SOX5: variants seen among roughly 807,000 people sequenced by gnomAD.
SOX5 encodes the protein SRY-box transcription factor 5.
Under a neutral mutation model 92.0 loss-of-function variants are expected in SOX5, and 9 were observed. The ratio of observed to expected loss-of-function variants is 0.10; its 90% CI spans 0.06 to 0.17. SOX5 has a LOEUF of 0.17. SOX5 is among the 10% of genes least tolerant of loss of function. SOX5 has a pLI of 1.00. For synonymous variants in SOX5, 344 were observed against 336.3 expected, an observed-to-expected ratio of 1.02 and a Z score of -0.25; for missense variants, 642 against 944.5, an observed-to-expected ratio of 0.68 and a Z score of 4.20.
intron 1 of SOX5, among the ~76,000 whole-genome samples, chr12:23,901,710 C>T (rs969262324): frequency 6.6e-6 from 1 of 152,178 alleles, no homozygotes; most frequent in Non-Finnish European, 1.5e-5. Context: ...ATGAGATCCA[C>T]ATAGGCAGAC....
chr12:23,787,654 A>T (rs1414955671), intron 3 of SOX5, among the ~76,000 whole-genome samples: 1 of 152,022 alleles, frequency 6.6e-6, no homozygotes, highest in Non-Finnish European at 1.5e-5. Context: ...ATACTCAACT[A>T]AAACAGACTA....
intron 3 of SOX5, among the ~76,000 whole-genome samples, chr12:23,808,682 T>A (rs192389202): frequency 1.8e-3 from 267 of 152,268 alleles, no homozygotes; most frequent in Admixed American, 3.3e-3. Context: ...TTCCATAGTT[T>A]TATGGATTAG....
intron 6 of SOX5, among the ~76,000 whole-genome samples, chr12:23,724,017 A>G (rs2092975863): frequency 6.6e-6 from 1 of 152,174 alleles, no homozygotes; most frequent in Non-Finnish European, 1.5e-5. Context: ...CCTGATTTAT[A>G]AATATTTATT....
intron 1 of SOX5, among the ~76,000 whole-genome samples, chr12:24,559,821 G>C (rs1954162493): frequency 6.6e-6 from 1 of 151,860 alleles, no homozygotes; most frequent in African/African-American, 2.4e-5. Flanking sequence ...ACCAAACCAC[G>C]TGTCAGTCTA....
chr12:23,753,450 C>A (rs2094247672), intron 4 of SOX5, among the ~76,000 whole-genome samples: 1 of 151,548 alleles, frequency 6.6e-6, no homozygotes, highest in South Asian at 2.1e-4. Context: ...CCATGCACAC[C>A]AAGACTCTGT....
Position 23,683,931 on chromosome 12 carries a change from G to C in SOX5, c.811-18367C>G, listed in dbSNP as rs145499279. Reference sequence around the variant, plus strand: ...AGTTAAAAATATTGAAGTTAACAAAGGAAGTTAGAAAAGATGAGACTGGGG... The same window carrying C: ...AGTTAAAAATATTGAAGTTAACAAACGAAGTTAGAAAAGATGAGACTGGGG... On this transcript the variant is annotated intron_variant, in intron 6 of 14. Coordinates refer to ENST00000451604, the MANE Select transcript of SOX5 (RefSeq NM_006940.6). Among the ~76,000 whole-genome samples, 1,013 of 151,966 alleles carry C rather than the reference G, an allele frequency of 6.7e-3. 4 individuals are homozygous for C. The highest frequency in any genetic ancestry group is 0.02 in the South Asian group (96 of 4,810).
intron 3 of SOX5, among the ~76,000 whole-genome samples, chr12:23,814,533 ATCT>A (rs1337183524): frequency 6.6e-6 from 1 of 152,190 alleles, no homozygotes; most frequent in African/African-American, 2.4e-5. Flanking sequence ...AAGTTGACAG[ATCT>A]TCTACAAAAC....
At chr12:23,535,949 G>T (rs1169025087) in intron 14 of SOX5, among the ~76,000 whole-genome samples, 1 of 152,102 alleles carries the variant, frequency 6.6e-6, no homozygotes, top group Non-Finnish European at 1.5e-5. Context: ...GAAACCTCCT[G>T]TTCCCAACCT....
chr12:24,087,154 T>C (rs764875463), intron 4 of SOX5, among the ~76,000 whole-genome samples: 1 of 152,022 alleles, frequency 6.6e-6, no homozygotes, highest in East Asian at 1.9e-4. Flanking sequence ...TTATCAAGTG[T>C]GTGTTCTCTG....
intron 1 of SOX5, among the ~76,000 whole-genome samples, chr12:24,542,857 C>G (rs1427880825): frequency 1.3e-5 from 2 of 152,180 alleles, no homozygotes; most frequent in Admixed American, 1.3e-4. Context: ...TTGCCAAATG[C>G]CTTCAAGGTC....
chr12:24,053,183 C>CA (rs1957735966), intron 4 of SOX5, among the ~76,000 whole-genome samples: 1 of 126,208 alleles, frequency 7.9e-6, no homozygotes, highest in African/African-American at 2.6e-5. Context: ...TGCACGCCCC[C>CA]CCCCTTTTTT....
chr12:24,100,164 G>T lies in SOX5; in HGVS notation c.-2+113179C>A, dbSNP rs531508248. Reference sequence around the variant, plus strand: ...GATCATGGAAAATAGAATATCAAACGTTCTGTTATTTCCCATCTTAAAACA... The same window carrying T: ...GATCATGGAAAATAGAATATCAAACTTTCTGTTATTTCCCATCTTAAAACA... On this transcript the variant is annotated intron_variant, in intron 4 of 4. Transcript: ENST00000446891. Among the ~76,000 whole-genome samples the T allele has an allele frequency of 6.5e-4, 98 of 151,890 alleles. 1 individual carries two copies. Among genetic ancestry groups the T allele is most frequent in the African/African-American group, 2.3e-3 (95 of 41,422 alleles).
chr12:24,115,246 A>G (rs932315375), intron 4 of SOX5, among the ~76,000 whole-genome samples: 1 of 152,216 alleles, frequency 6.6e-6, no homozygotes, highest in Non-Finnish European at 1.5e-5. Flanking sequence ...AAACAAGAAC[A>G]AAAAAGAAAC....
intron 1 of SOX5, among the ~76,000 whole-genome samples, chr12:24,530,592 G>C (rs1159699429): frequency 1.3e-5 from 2 of 151,850 alleles, no homozygotes; most frequent in African/African-American, 4.8e-5. Context: ...GGTGGAGGTT[G>C]CAATGAGCCA....
chr12:23,711,977 T>C (rs543523751), intron 6 of SOX5, among the ~76,000 whole-genome samples: 1 of 152,318 alleles, frequency 6.6e-6, no homozygotes, highest in East Asian at 1.9e-4. Flanking sequence ...AACAAAGATA[T>C]ATTATCTGTA....
At chr12:23,737,689 T>C (rs2093654015) in intron 5 of SOX5, among the ~76,000 whole-genome samples, 1 of 152,158 alleles carries the variant, frequency 6.6e-6, no homozygotes, top group African/African-American at 2.4e-5. Context: ...TCTCATCCCC[T>C]ATCACCTCAT....
chr12:24,283,883 A>G (rs1945514205), intron 2 of SOX5, among the ~76,000 whole-genome samples: 1 of 152,228 alleles, frequency 6.6e-6, no homozygotes. Context: ...TATGCAAGGT[A>G]AGTAATTTAA....
intron 4 of SOX5, among the ~76,000 whole-genome samples, chr12:24,090,727 T>G (rs1001353382): frequency 6.6e-6 from 1 of 152,218 alleles, no homozygotes; most frequent in Non-Finnish European, 1.5e-5. Flanking sequence ...ATCTGTGCTA[T>G]AGTACTTTCA....
intron 6 of SOX5, among the ~76,000 whole-genome samples, chr12:23,712,513 A>G (rs75923405): frequency 0.03 from 4,638 of 152,272 alleles, 212 homozygotes; most frequent in African/African-American, 0.11. Flanking sequence ...GAGAAAACAT[A>G]TGGTTATAGT....
Sources: gnomAD v4.1 joint callset for allele counts (sites outside exome capture counted in the v4.1 genomes callset) on GRCh38, gnomAD v4.1.1 for gene constraint, MANE v1.5 for transcripts, NCBI Gene and HGNC (gene_info 2026-07-23, HGNC 2026-07-21) for gene names.